The following VCL variants were observed in gnomAD, a reference collection of about 807,000 sequenced individuals.
VCL encodes the protein epididymis luminal protein 114.
VCL carries 47 observed loss-of-function variants against 125.7 expected under a neutral mutation model. The ratio of observed to expected loss-of-function variants is 0.37; its 90% CI spans 0.30 to 0.48. The LOEUF (loss-of-function observed/expected upper bound fraction) is 0.48, where lower values mean the gene tolerates loss of function less well. Among genes scored for constraint, VCL ranks in the 20% least tolerant of loss-of-function variants. VCL has a pLI of 0.99. For synonymous variants in VCL, 458 were observed against 514.6 expected (o/e 0.89, Z 1.49); for missense variants, 1,069 against 1,455.5 (o/e 0.73, Z 4.32).
At chr10:74,104,916 T>C (rs1229435688) in intron 15 of VCL, 135 bp from the exon 16 acceptor site, 2 of 1,006,946 alleles carry the variant, frequency 2.0e-6, no homozygotes, top group Non-Finnish European at 2.9e-6. Context: ...CTTTTGATTA[T>C]GTAGGAAGAG....
intron 1 of VCL, among the ~76,000 whole-genome samples, chr10:74,010,020 G>A (rs1362562810): frequency 1.3e-5 from 2 of 152,008 alleles, no homozygotes; most frequent in African/African-American, 4.8e-5. Flanking sequence ...TGCCTCCTGG[G>A]TTCAAGTGAT....
chr10:74,061,031 A>G (rs1841471743), intron 2 of VCL, among the ~76,000 whole-genome samples: 1 of 152,138 alleles, frequency 6.6e-6, no homozygotes, highest in African/African-American at 2.4e-5. Context: ...TAGTTGATTG[A>G]TTTAAATTAT....
chr10:74,115,036 A>G, intron 21 of VCL, 137 bp downstream of exon 21: 1 of 889,642 alleles, frequency 1.1e-6, no homozygotes, highest in South Asian at 1.4e-5. Context: ...AGACTGTCTC[A>G]GGAGGGGAAA....
At chr10:74,121,269 CA>C (rs1428061483), downstream of VCL, 1 of 152,164 alleles carries the variant, frequency 6.6e-6, no homozygotes, top group Non-Finnish European at 1.5e-5. Flanking sequence ...CCTCTCAGGA[CA>C]AGATCAGCAT....
At chr10:74,003,151 C>T (rs1840261588) in intron 1 of VCL, among the ~76,000 whole-genome samples, 1 of 151,866 alleles carries the variant, frequency 6.6e-6, no homozygotes, top group African/African-American at 2.4e-5. Context: ...CAGCTCACTG[C>T]AACTTCTGCC....
intron 5 of VCL, among the ~76,000 whole-genome samples, chr10:74,073,218 C>T (rs1434938343): frequency 6.6e-6 from 1 of 152,142 alleles, no homozygotes; most frequent in African/African-American, 2.4e-5. Context: ...GGATTACATG[C>T]GTGAGCCATG....
intron 19 of VCL, 69 bp from the exon 20 acceptor site, chr10:74,114,115 C>G: frequency 3.5e-4 from 533 of 1,544,390 alleles, no homozygotes; most frequent in Non-Finnish European, 4.5e-4. Context: ...CTTCTCTGTG[C>G]TTCTCCTTCC....
rs765607137 is a variant in VCL, at chr10:74,090,155, G to A, written c.1309G>A (p.Glu437Lys). Residue 437 changes from glutamate to lysine, a missense_variant, in exon 10 of 22, where the codon GAA (glutamate) becomes AAA (lysine). By Grantham distance (56) the Glu-to-Lys change is moderately conservative. Transcript: ENST00000211998. Reference sequence around the variant, plus strand: ...AGATGACATTCTACGTTCCCTTGGGGAAATATCTGCTCTGACTTCTAAATT... The same window carrying A: ...AGATGACATTCTACGTTCCCTTGGGAAAATATCTGCTCTGACTTCTAAATT... ...ERDDILRSLG[E>K]ISALTSKLAD... 8.1e-6 allele frequency: 13 copies of A among 1,614,062 alleles called. No individual in the cohort carries two copies. Among genetic ancestry groups the A allele is most frequent in the Non-Finnish European group, 1.1e-5 (13 of 1,180,028 alleles).
At chr10:74,081,914 A>T (rs1443795037) in intron 6 of VCL, among the ~76,000 whole-genome samples, 1 of 152,220 alleles carries the variant, frequency 6.6e-6, no homozygotes, top group African/African-American at 2.4e-5. Context: ...AAACTGCTAG[A>T]TTAACATTTT....
At chr10:74,055,997 T>C (rs1373571628) in intron 2 of VCL, among the ~76,000 whole-genome samples, 1 of 152,190 alleles carries the variant, frequency 6.6e-6, no homozygotes, top group African/African-American at 2.4e-5. Flanking sequence ...TTGAGGAACA[T>C]ATAGCTTGGG....
intron 1 of VCL, among the ~76,000 whole-genome samples, chr10:74,040,134 CTCCTTTG>C (rs1841065331): frequency 6.6e-6 from 1 of 152,198 alleles, no homozygotes; most frequent in African/African-American, 2.4e-5. Flanking sequence ...CCAAAGTAAG[CTCCTTTG>C]TTTCCAGCCC....
At chr10:74,086,818 G>A (rs918500809) in intron 8 of VCL, among the ~76,000 whole-genome samples, 3 of 152,174 alleles carry the variant, frequency 2.0e-5, no homozygotes, top group Non-Finnish European at 2.9e-5. Flanking sequence ...CCTTTCTTAA[G>A]TGTACCCAGC....
intron 19 of VCL, among the ~76,000 whole-genome samples, 173 bp downstream of exon 19, chr10:74,112,285 T>A (rs1392129923): frequency 6.6e-6 from 1 of 152,138 alleles, no homozygotes; most frequent in Non-Finnish European, 1.5e-5. Context: ...ATAGGTCTGC[T>A]AACGCCAGAT....
chr10:74,022,608 ATAAG>A (rs1236001370), intron 1 of VCL, among the ~76,000 whole-genome samples: 722 of 19,832 alleles, frequency 0.036, 7 homozygotes, highest in African/African-American at 0.17. Context: ...AAATAAATAA[ATAAG>A]TAAATAAAAC....
At chr10:74,114,698 C>A in intron 20 of VCL, 97 bp from the exon 21 acceptor site, 1 of 1,327,242 alleles carries the variant, frequency 7.5e-7, no homozygotes, top group Non-Finnish European at 1.1e-6. Flanking sequence ...CTTTTCTGTG[C>A]CAGCCACTGG....
chr10:74,103,280 A>G (rs1398949511), intron 14 of VCL, among the ~76,000 whole-genome samples: 1 of 152,156 alleles, frequency 6.6e-6, no homozygotes, highest in East Asian at 1.9e-4. Flanking sequence ...ATCTTACCAG[A>G]TACGTGGCAA....
chr10:74,005,858 ATTG>A (rs1404945451), intron 1 of VCL, among the ~76,000 whole-genome samples: 2 of 151,668 alleles, frequency 1.3e-5, no homozygotes, highest in Admixed American at 6.6e-5. Context: ...TTTTATTTTT[ATTG>A]TTGTATTGTT....
chr10:74,021,475 A>G (rs1022915654), intron 1 of VCL, among the ~76,000 whole-genome samples: 1 of 152,194 alleles, frequency 6.6e-6, no homozygotes, highest in Non-Finnish European at 1.5e-5. Flanking sequence ...AGGCAATGAT[A>G]TATCTATGTA....
At chr10:74,110,367 C>T (rs1470623131) in intron 18 of VCL, among the ~76,000 whole-genome samples, 1 of 152,264 alleles carries the variant, frequency 6.6e-6, no homozygotes, top group Non-Finnish European at 1.5e-5. Flanking sequence ...ACTTGCCCCA[C>T]TCTGCCATTT....
Sources: gnomAD v4.1 joint callset for allele counts (sites outside exome capture counted in the v4.1 genomes callset) on GRCh38, gnomAD v4.1.1 for gene constraint, MANE v1.5 for transcripts, NCBI Gene and HGNC (gene_info 2026-07-23, HGNC 2026-07-21) for gene names.